Variants in PDE7B observed in about 807,000 individuals in gnomAD.
The protein encoded by PDE7B is phosphodiesterase 7B.
A neutral mutation model predicts 56.2 loss-of-function variants in PDE7B; 29 were observed. That is an observed-to-expected ratio of 0.52 (90% CI 0.38 to 0.70). The LOEUF (loss-of-function observed/expected upper bound fraction) is 0.70. PDE7B is among the 30% of genes least tolerant of loss of function. The pLI, the probability that PDE7B is intolerant of heterozygous loss-of-function variation, is 0.00. For missense variants in PDE7B, 490 were observed against 565.0 expected, an observed-to-expected ratio of 0.87 and a Z score of 1.35; for synonymous variants, 197 against 196.9, an observed-to-expected ratio of 1.00 and a Z score of 0.00.
chr6:136,074,099 CT>C (rs2128214318), intron 2 of PDE7B, among the ~76,000 whole-genome samples: 1 of 152,082 alleles, frequency 6.6e-6, no homozygotes, highest in Non-Finnish European at 1.5e-5. Context: ...TGGCACACAC[CT>C]GTAATCCCAG....
chr6:135,928,514 T>TA, intron 1 of PDE7B, among the ~76,000 whole-genome samples: 1 of 131,720 alleles, frequency 7.6e-6, no homozygotes, highest in Non-Finnish European at 1.6e-5. Context: ...TATATATATA[T>TA]TTATTTATAT....
chr6:136,031,738 C>CA (rs36015213), intron 2 of PDE7B, among the ~76,000 whole-genome samples: 34,405 of 109,628 alleles, frequency 0.31, 5,540 homozygotes, highest in East Asian at 0.41. Flanking sequence ...GACTCCGTCT[C>CA]AAAAAAAAAA....
intron 3 of PDE7B, among the ~76,000 whole-genome samples, chr6:136,119,055 A>G (rs144870327): frequency 8.5e-5 from 13 of 152,302 alleles, no homozygotes; most frequent in African/African-American, 2.6e-4. Context: ...AGCTGCCCCC[A>G]AAGAAGAAGG....
chr6:136,167,351 TG>T (rs151245698), intron 8 of PDE7B, among the ~76,000 whole-genome samples: 4 of 152,208 alleles, frequency 2.6e-5, no homozygotes, highest in East Asian at 1.9e-4. Flanking sequence ...TTCTGTGTCA[TG>T]GGGGGGAACA....
At chr6:135,920,015 C>G (rs1487460536) in intron 1 of PDE7B, among the ~76,000 whole-genome samples, 3 of 152,000 alleles carry the variant, frequency 2.0e-5, no homozygotes, top group Non-Finnish European at 4.4e-5. Context: ...CAAACTTAAA[C>G]CTAGGTCTCC....
rs41288043 is a variant in PDE7B, at chr6:136,191,862, G to A, written c.*22G>A. The A allele has an allele frequency of 0.019, 29,638 of 1,530,270 alleles. 896 individuals are homozygous for A. Among genetic ancestry groups the A allele is most frequent in the African/African-American group, 0.13 (9,245 of 72,686 alleles). The allele number at this position is 1,530,270 out of a possible 1,614,324, so 94.8% of individuals were successfully genotyped here. On this transcript the variant is annotated 3_prime_UTR_variant, in exon 13 of 13. Coordinates refer to ENST00000308191, the MANE Select transcript of PDE7B (RefSeq NM_018945.4). The stretch of plus-strand genomic sequence containing the variant: ...CTAGGGGCCGGCCCAACTTAGACGC[G>A]GCTCTCCTCCGGCAGGGCCCCCAGA...
At chr6:135,962,765 G>A (rs79759175) in intron 2 of PDE7B, among the ~76,000 whole-genome samples, 4,901 of 152,094 alleles carry the variant, frequency 0.032, 272 homozygotes, top group African/African-American at 0.11. Context: ...TTGAGTCAGG[G>A]CTTTTATTAA....
rs1177667615 is a variant in PDE7B at position 136,134,729 on chromosome 6, G to A, written c.167-12622G>A. ...CCCATTCGTTGGGATGGAGTTTATG[G>A]TAGGCAAAAAAAAAAAAAAAAAAAA... is the stretch of plus-strand genomic sequence containing the variant. On this transcript the variant is annotated intron_variant, in intron 3 of 12. Coordinates refer to ENST00000308191, the MANE Select transcript of PDE7B (RefSeq NM_018945.4). Among the ~76,000 whole-genome samples, 4 of 92,302 alleles carry A rather than the reference G, an allele frequency of 4.3e-5. No individual in the cohort carries two copies. The East Asian group carries it at 1.1e-3, about 26-fold the overall frequency. 60.6% of individuals were successfully genotyped at this position (92,302 alleles called of 152,430 possible). A position where few individuals can be genotyped will look rare whatever the true frequency, so the allele number is the denominator to read the frequency against.
chr6:135,999,920 CAT>C (rs896640884), intron 2 of PDE7B, among the ~76,000 whole-genome samples: 150 of 152,272 alleles, frequency 9.9e-4, no homozygotes, highest in African/African-American at 3.5e-3. Context: ...ACCTCACCAG[CAT>C]ATGTTATTTT....
intron 2 of PDE7B, among the ~76,000 whole-genome samples, chr6:136,010,009 C>G (rs987393312): frequency 6.6e-6 from 1 of 152,156 alleles, no homozygotes; most frequent in African/African-American, 2.4e-5. Flanking sequence ...TTTGTTCTTG[C>G]TTCTCTAATT....
intron 1 of PDE7B, among the ~76,000 whole-genome samples, chr6:135,935,217 T>TATATATA (rs1554268029): frequency 3.0e-4 from 27 of 91,142 alleles, no homozygotes; most frequent in South Asian, 6.5e-4. Context: ...TATATATATA[T>TATATATA]TTTCATGATT....
intron 1 of PDE7B, among the ~76,000 whole-genome samples, chr6:135,863,732 A>T (rs188800256): frequency 4.1e-5 from 6 of 147,594 alleles, no homozygotes; most frequent in Admixed American, 1.4e-4. Flanking sequence ...CCTTGGGCTG[A>T]TACTAAAATC....
At chr6:136,146,201 A>G (rs1250618301) in intron 3 of PDE7B, among the ~76,000 whole-genome samples, 1 of 152,168 alleles carries the variant, frequency 6.6e-6, no homozygotes. Context: ...AGAAGCCCAA[A>G]TTACTTTACA....
chr6:135,908,389 G>A (rs907530558), intron 1 of PDE7B, among the ~76,000 whole-genome samples: 7 of 151,810 alleles, frequency 4.6e-5, no homozygotes, highest in African/African-American at 9.7e-5. Context: ...CACCGCACCC[G>A]GCCTATCATC....
At chr6:136,165,527 G>T (rs963541243) in intron 8 of PDE7B, 4 of 152,112 alleles carry the variant, frequency 2.6e-5, no homozygotes, top group Admixed American at 2.6e-4. Flanking sequence ...TAAAAGTTGG[G>T]CAGTTGGAAG....
chr6:135,980,025 G>A (rs9399174), intron 2 of PDE7B, among the ~76,000 whole-genome samples: 133,279 of 152,088 alleles, frequency 0.88, 58,642 homozygotes, highest in African/African-American at 0.96. Context: ...GCATCATGCT[G>A]CCTAACTTCA....
At chr6:136,190,848 TAACTG>T (rs754930833) in intron 12 of PDE7B, among the ~76,000 whole-genome samples, 3 of 152,014 alleles carry the variant, frequency 2.0e-5, no homozygotes, top group Non-Finnish European at 4.4e-5. Context: ...TTATTTAACA[TAACTG>T]AAAGCAAGAC....
chr6:136,007,134 A>T (rs1172700442), intron 2 of PDE7B, among the ~76,000 whole-genome samples: 1 of 152,134 alleles, frequency 6.6e-6, no homozygotes, highest in African/African-American at 2.4e-5. Context: ...GTTGGATTTT[A>T]TCAAAAGCCT....
rs1562445515 is a variant in PDE7B at position 135,935,208 on chromosome 6, ATATATATATT to A, written c.22-12254_22-12245del. Among the ~76,000 whole-genome samples, 646 of 87,132 alleles carry A rather than the reference ATATATATATT, an allele frequency of 7.4e-3. 169 individuals carry two copies. The highest frequency in any genetic ancestry group is 0.032 in the African/African-American group (605 of 18,970). The allele number at this position is 87,132 out of a possible 152,430, so 57.2% of individuals were successfully genotyped here. On this transcript the variant is annotated intron_variant, in intron 1 of 12. Transcript: ENST00000308191. The stretch of plus-strand genomic sequence containing the variant: ...TATTTATTTATATATATATATATAT[ATATATATATT>A]TTCATGATTCTTGCTCTCCAGGAAA...
Sources: gnomAD v4.1 joint callset for allele counts (sites outside exome capture counted in the v4.1 genomes callset) on GRCh38, gnomAD v4.1.1 for gene constraint, MANE v1.5 for transcripts, NCBI Gene and HGNC (gene_info 2026-07-23, HGNC 2026-07-21) for gene names.